Variants in ZNF718 observed in about 807,000 individuals in gnomAD.
ZNF718 encodes the protein zinc finger protein 718.
Under a neutral mutation model 2.6 loss-of-function variants are expected in ZNF718, and 3 were observed. The observed-to-expected ratio is 1.16, with a 90% CI of 0.53 to 3.01. The LOEUF (loss-of-function observed/expected upper bound fraction) is 3.01. Ranked by LOEUF, ZNF718 falls within the 30% of genes most tolerant of loss-of-function variation. The probability of loss-of-function intolerance (pLI) is 0.03; values close to 1 mark genes in which losing one functional copy is unlikely to be tolerated. For missense variants in ZNF718, 468 were observed against 230.0 expected (o/e 2.03, Z -6.69); for synonymous variants, 135 against 77.9 (o/e 1.73, Z -3.86).
chr4:184,633 G>T (rs1355863607), intron 3 of ZNF718, among the ~76,000 whole-genome samples: 6 of 152,040 alleles, frequency 3.9e-5, no homozygotes, highest in Non-Finnish European at 7.4e-5. Context: ...CTTTGAATCT[G>T]TCAGGTCCTG....
chr4:150,959 A>C (rs992494103), intron 3 of ZNF718, among the ~76,000 whole-genome samples: 2 of 152,244 alleles, frequency 1.3e-5, no homozygotes, highest in African/African-American at 4.8e-5. Flanking sequence ...AACAGTCTAA[A>C]TTACCATATA....
At chr4:165,861 ATTATACT>A (rs1363597274), downstream of ZNF718, among the ~76,000 whole-genome samples, 1 of 59,390 alleles carries the variant, frequency 1.7e-5, no homozygotes, top group African/African-American at 7.7e-5. Context: ...TTTTTTTATT[ATTATACT>A]TTTAAGTTTT....
intron 3 of ZNF718, among the ~76,000 whole-genome samples, chr4:182,140 CT>C (rs1717479688): frequency 6.6e-6 from 1 of 152,064 alleles, no homozygotes; most frequent in Non-Finnish European, 1.5e-5. Flanking sequence ...GTGTATGTGC[CT>C]TTATAATGAA....
intron 3 of ZNF718, among the ~76,000 whole-genome samples, chr4:187,091 G>GT (rs1212097893): frequency 1.3e-5 from 2 of 152,032 alleles, no homozygotes; most frequent in Non-Finnish European, 2.9e-5. Context: ...TATTGTGGGG[G>GT]TTTTTTGTTG....
chr4:147,083 G>A (rs1475542449), intron 3 of ZNF718, among the ~76,000 whole-genome samples: 1 of 152,072 alleles, frequency 6.6e-6, no homozygotes, highest in African/African-American at 2.4e-5. Flanking sequence ...CGATTCTTTT[G>A]CCTCAGCCTC....
At chr4:198,352 C>T (rs1276053903) in intron 3 of ZNF718, among the ~76,000 whole-genome samples, 1 of 152,140 alleles carries the variant, frequency 6.6e-6, no homozygotes, top group African/African-American at 2.4e-5. Context: ...GTGATTGCTG[C>T]CAATTGAGGC....
At chr4:150,037 T>C (rs1274461545) in intron 3 of ZNF718, 2 of 150,646 alleles carry the variant, frequency 1.3e-5, no homozygotes, top group African/African-American at 2.4e-5. Flanking sequence ...TTTCTTCAGC[T>C]CCTGAAGAAC....
intron 3 of ZNF718, among the ~76,000 whole-genome samples, chr4:194,071 T>C (rs1717746121): frequency 6.6e-6 from 1 of 152,186 alleles, no homozygotes; most frequent in South Asian, 2.1e-4. Flanking sequence ...CTTATCCCAT[T>C]TATCCCATTC....
chr4:191,994 A>C (rs1354691324), intron 3 of ZNF718, among the ~76,000 whole-genome samples: 2 of 152,148 alleles, frequency 1.3e-5, no homozygotes, highest in Non-Finnish European at 2.9e-5. Flanking sequence ...TGTTCAGCTC[A>C]ATTAGGATGA....
At chr4:201,879 CT>C (rs1259505447) in exon 5 of ZNF718, 3 of 184,496 alleles carry the variant, frequency 1.6e-5, no homozygotes, top group African/African-American at 7.1e-5. Context: ...TATAGTTCTT[CT>C]GTAAAACTTC....
At chr4:148,124 G>C (rs73793530) in intron 3 of ZNF718, among the ~76,000 whole-genome samples, 1,958 of 152,238 alleles carry the variant, frequency 0.013, 49 homozygotes, top group African/African-American at 0.044. Flanking sequence ...ATTTCTGGGC[G>C]GGCAGGACTG....
chr4:195,578 G>A (rs868985392), intron 3 of ZNF718, among the ~76,000 whole-genome samples: 71 of 147,436 alleles, frequency 4.8e-4, no homozygotes, highest in African/African-American at 1.5e-3. Flanking sequence ...AGTGAGCTAC[G>A]TTTTTGCTTT....
chr4:194,226 G>A (rs925503222), intron 3 of ZNF718, among the ~76,000 whole-genome samples: 2 of 152,174 alleles, frequency 1.3e-5, no homozygotes, highest in East Asian at 3.8e-4. Flanking sequence ...TATCCTTTAA[G>A]ATAGTTGGCC....
At chr4:185,979 A>G (rs1717559440) in intron 3 of ZNF718, among the ~76,000 whole-genome samples, 2 of 152,112 alleles carry the variant, frequency 1.3e-5, no homozygotes, top group Admixed American at 1.3e-4. Context: ...TAACTGGGGC[A>G]CTTAACCTAT....
intron 3 of ZNF718, among the ~76,000 whole-genome samples, chr4:148,660 C>T (rs1267298512): frequency 6.7e-6 from 1 of 150,234 alleles, no homozygotes; most frequent in Non-Finnish European, 1.5e-5. Flanking sequence ...TATTGGCAGG[C>T]CTACATCCAG....
At chr4:149,695 A>G (rs1716228766) in intron 3 of ZNF718, 1 of 152,188 alleles carries the variant, frequency 6.6e-6, no homozygotes, top group Admixed American at 6.5e-5. Context: ...TCCTTTGATT[A>G]TAAATTATTT....
In ZNF718 at chr4:198,757, G is replaced by A. The variant is rs553651528; in HGVS notation, c.227-2324G>A. On this transcript the variant is annotated intron_variant and NMD_transcript_variant, in intron 3 of 4. Coordinates refer to the ZNF718 transcript ENST00000642529. ...TGTTAGAATGCTGCTGGAGGATTCC[G>A]GGATCTCACAGGCTGGATTTCAGAG... Among the ~76,000 whole-genome samples the A allele has an allele frequency of 1.6e-4, 25 of 152,278 alleles. No homozygotes were observed. In the South Asian group the frequency reaches 3.9e-3, roughly 24 times the overall value.
intron 3 of ZNF718, among the ~76,000 whole-genome samples, chr4:171,479 C>T (rs553244201): frequency 2.6e-5 from 4 of 152,158 alleles, no homozygotes; most frequent in Admixed American, 6.5e-5. Context: ...CCTTGAATTG[C>T]GGTGGGCTCC....
Position 124,641 on chromosome 4 carries a change from A to C in ZNF718, c.-30A>C. 1 of 1,607,064 alleles carries C rather than the reference A, an allele frequency of 6.2e-7. No homozygotes were observed. The highest frequency in any genetic ancestry group is 8.5e-7 in the Non-Finnish European group (1 of 1,179,548). ...TGCCGGTATTGGATGATTCGTATCT[A>C]AGACTCTGGGACACTCCTGAAGTCG... On this transcript the variant is annotated 5_prime_UTR_variant, in exon 1 of 4. It removes the in-frame stop codon of an upstream open reading frame in the 5' UTR. Coordinates refer to ENST00000510175, the MANE Select transcript of ZNF718 (RefSeq NM_001039127.6).
Sources: allele counts gnomAD v4.1 joint callset (sites outside exome capture counted in the v4.1 genomes callset), GRCh38; gene constraint gnomAD v4.1.1; transcripts MANE v1.5; gene names NCBI Gene and HGNC (gene_info 2026-07-23, HGNC 2026-07-21).